SNRPE: variants seen among roughly 807,000 people sequenced by gnomAD.
SNRPE encodes the protein small nuclear ribonucleoprotein polypeptide E, also known as small nuclear ribonucleoprotein E.
For missense variants in SNRPE, 53 were observed against 111.6 expected, an observed-to-expected ratio of 0.48 and a Z score of 2.36; for synonymous variants, 35 against 36.7, an observed-to-expected ratio of 0.95 and a Z score of 0.17.
At chr1:203,864,143 G>C (rs1690037728) in intron 3 of SNRPE, among the ~76,000 whole-genome samples, 1 of 151,970 alleles carries the variant, frequency 6.6e-6, no homozygotes, top group Non-Finnish European at 1.5e-5. Context: ...TTATAGAGAT[G>C]AGGTCTCACT....
chr1:203,864,413 C>T (rs926136252), intron 3 of SNRPE, among the ~76,000 whole-genome samples: 1 of 149,936 alleles, frequency 6.7e-6, no homozygotes, highest in Non-Finnish European at 1.5e-5. Context: ...TTAAATAAGG[C>T]TTCTGGGATA....
intron 4 of SNRPE, among the ~76,000 whole-genome samples, chr1:203,868,087 T>TCTCG (rs34186188): frequency 1.3e-5 from 2 of 151,516 alleles, no homozygotes; most frequent in East Asian, 3.9e-4. Flanking sequence ...GGAGACAGAG[T>TCTCG]CTCTGTCGCT....
chr1:203,869,845 A>C (rs373785162), intron 4 of SNRPE, 32 bp from the exon 5 acceptor site: 1 of 1,536,122 alleles, frequency 6.5e-7, no homozygotes, highest in Non-Finnish European at 8.9e-7. Flanking sequence ...GTGTGTGGCT[A>C]TTAATAGCTT....
chr1:203,867,107 G>GAAAAAAA (rs71566135), intron 4 of SNRPE, among the ~76,000 whole-genome samples: 18 of 52,838 alleles, frequency 3.4e-4, no homozygotes, highest in South Asian at 1.3e-3. Context: ...TGTCTTTCCT[G>GAAAAAAA]AAAAAAAAAA....
chr1:203,863,467 G>A (rs1176600692), intron 2 of SNRPE, among the ~76,000 whole-genome samples, 196 bp from the exon 3 acceptor site: 2 of 152,030 alleles, frequency 1.3e-5, no homozygotes, highest in South Asian at 2.1e-4. Flanking sequence ...ACAGGCGTGC[G>A]CCACCACGCC....
intron 3 of SNRPE, among the ~76,000 whole-genome samples, 153 bp from the exon 4 acceptor site, chr1:203,864,876 CAAAAAAAAAAAA>C (rs61506397): frequency 8.4e-6 from 1 of 119,280 alleles, no homozygotes; most frequent in Non-Finnish European, 1.7e-5. Flanking sequence ...GATCCTTTCT[CAAAAAAAAAAAA>C]AAAAAAAAAA....
chr1:203,862,605 C>A (rs1043581668), intron 2 of SNRPE, among the ~76,000 whole-genome samples: 93 of 152,118 alleles, frequency 6.1e-4, no homozygotes, highest in African/African-American at 2.2e-3. Flanking sequence ...CCAACTTAAA[C>A]CATGTCAAGA....
At chr1:203,865,711 G>A (rs944648554) in intron 4 of SNRPE, among the ~76,000 whole-genome samples, 1 of 152,116 alleles carries the variant, frequency 6.6e-6, no homozygotes, top group South Asian at 2.1e-4. Flanking sequence ...GATGCTAATT[G>A]TCAGCTCCAG....
At chr1:203,867,675 C>A (rs1258388186) in intron 4 of SNRPE, among the ~76,000 whole-genome samples, 1 of 152,028 alleles carries the variant, frequency 6.6e-6, no homozygotes, top group African/African-American at 2.4e-5. Flanking sequence ...AGAGCCCAGG[C>A]GGGAATACTA....
At chr1:203,869,653 G>A (rs1367378442) in intron 4 of SNRPE, among the ~76,000 whole-genome samples, 2 of 152,260 alleles carry the variant, frequency 1.3e-5, no homozygotes, top group South Asian at 4.1e-4. Context: ...CCATAGAAAT[G>A]ATATTTGTCA....
rs868082304 is a variant in SNRPE at position 203,871,036 on chromosome 1, A to G, written c.*1104A>G. 6.6e-6 allele frequency among the ~76,000 whole-genome samples: 1 copy of G among 152,254 alleles called. No homozygotes were observed. Among genetic ancestry groups the G allele is most frequent in the South Asian group, 2.1e-4 (1 of 4,838 alleles). On this transcript the variant is annotated 3_prime_UTR_variant, in exon 5 of 5. Coordinates refer to ENST00000414487, the MANE Select transcript of SNRPE (RefSeq NM_003094.4). ...CCTTTCCGAGATAGAGGAGATTTGT[A>G]GGTGAATGCAGAAGTGTATCCAGCT...
chr1:203,861,727 G>C lies in SNRPE; in HGVS notation c.54+14G>C. On this transcript the variant is annotated intron_variant, in intron 1 of 4. Transcript: ENST00000414487. Reference sequence around the variant, plus strand: ...GTGCAGCCCATCGTATCCTACGCAGGATGTCAGGACTAGGAGGTTCGGGTC... The same window carrying C: ...GTGCAGCCCATCGTATCCTACGCAGCATGTCAGGACTAGGAGGTTCGGGTC... The C allele has an allele frequency of 6.2e-7, 1 of 1,601,180 alleles. No homozygotes were observed. Among genetic ancestry groups the C allele is most frequent in the African/African-American group, 1.3e-5 (1 of 74,800 alleles).
intron 2 of SNRPE, 171 bp from the exon 3 acceptor site, chr1:203,863,492 T>G (rs1690019552): frequency 7.2e-6 from 4 of 556,606 alleles, no homozygotes; most frequent in Non-Finnish European, 9.7e-6. Context: ...TAATTTTTTT[T>G]GTATTTTTAG....
chr1:203,862,533 G>A (rs1022800219), intron 2 of SNRPE, among the ~76,000 whole-genome samples: 1 of 152,158 alleles, frequency 6.6e-6, no homozygotes, highest in Non-Finnish European at 1.5e-5. Flanking sequence ...TGTTAGTAGT[G>A]ATTATGGCTA....
chr1:203,863,393 C>G (rs1344621576), intron 2 of SNRPE, among the ~76,000 whole-genome samples: 1 of 152,050 alleles, frequency 6.6e-6, no homozygotes, highest in Non-Finnish European at 1.5e-5. Context: ...TCTCAGCTCA[C>G]TGCAACCTCT....
chr1:203,863,048 GGTT>G (rs1690007981), intron 2 of SNRPE, among the ~76,000 whole-genome samples: 3 of 152,048 alleles, frequency 2.0e-5, no homozygotes, highest in Non-Finnish European at 2.9e-5. Flanking sequence ...TTCTTTTTGA[GGTT>G]ATTATTATTG....
intron 4 of SNRPE, among the ~76,000 whole-genome samples, chr1:203,865,802 G>A (rs1488428936): frequency 2.0e-5 from 3 of 152,156 alleles, no homozygotes; most frequent in African/African-American, 7.2e-5. Flanking sequence ...ATTTGCTAGA[G>A]CAGCTCACAG....
At position 203,867,123 on chromosome 1, in the gene SNRPE, A is replaced by ACAAAAAC. The variant is rs34362905; in HGVS notation, c.223+2004_223+2005insCAAAAAC. On this transcript the variant is annotated intron_variant, in intron 4 of 4. Coordinates refer to ENST00000414487, the MANE Select transcript of SNRPE (RefSeq NM_003094.4). The stretch of plus-strand genomic sequence containing the variant: ...GTCTTTCCTGAAAAAAAAAAAAAAA[A>ACAAAAAC]AAAAAAATTAGCTGGGCATGGTGGC... 0.016 allele frequency among the ~76,000 whole-genome samples: 2,205 copies of ACAAAAAC among 141,330 alleles called. 236 individuals carry two copies. The East Asian group carries it at 0.29, about 18-fold the overall frequency. The allele number at this position is 141,330 out of a possible 152,430, so 92.7% of individuals were successfully genotyped here.
chr1:203,869,362 A>G (rs1480686295), intron 4 of SNRPE, among the ~76,000 whole-genome samples: 1 of 118,932 alleles, frequency 8.4e-6, no homozygotes, highest in Non-Finnish European at 1.6e-5. Context: ...GCTGGAGTGC[A>G]ATGGTGCCAT....
Sources: allele counts gnomAD v4.1 joint callset (sites outside exome capture counted in the v4.1 genomes callset), GRCh38; gene constraint gnomAD v4.1.1; transcripts MANE v1.5; gene names NCBI Gene and HGNC (gene_info 2026-07-23, HGNC 2026-07-21).